EEIG2: variants seen among roughly 807,000 people sequenced by gnomAD.
The protein encoded by EEIG2 is EEIG family member 2.
the EEIG2 span, among the ~76,000 whole-genome samples, chr1:108,562,541 C>T: frequency 6.6e-6 from 1 of 152,146 alleles, no homozygotes; most frequent in Admixed American, 6.5e-5. Context: ...AAGCTAAGAG[C>T]AAGGATTTGG....
the EEIG2 span, among the ~76,000 whole-genome samples, chr1:108,606,064 G>A: frequency 6.6e-6 from 1 of 152,104 alleles, no homozygotes; most frequent in Non-Finnish European, 1.5e-5. Context: ...CATTTGGGGG[G>A]CTTGTGGGAG....
the EEIG2 span, among the ~76,000 whole-genome samples, chr1:108,603,368 T>A: frequency 6.6e-6 from 1 of 152,198 alleles, no homozygotes; most frequent in Non-Finnish European, 1.5e-5. Context: ...GGGGCCTTGA[T>A]AAACACCTCA....
chr1:108,604,300 G>A, the EEIG2 span, among the ~76,000 whole-genome samples: 2 of 152,202 alleles, frequency 1.3e-5, no homozygotes, highest in Non-Finnish European at 2.9e-5. Flanking sequence ...ATCATCTTCT[G>A]TAAGATCACT....
chr1:108,622,429 G>A, the EEIG2 span, among the ~76,000 whole-genome samples: 2 of 152,182 alleles, frequency 1.3e-5, no homozygotes, highest in African/African-American at 2.4e-5. Flanking sequence ...TGGAGATGGA[G>A]AAGAGATGAT....
chr1:108,567,904 T>C, the EEIG2 span, among the ~76,000 whole-genome samples: 1 of 151,910 alleles, frequency 6.6e-6, no homozygotes, highest in Non-Finnish European at 1.5e-5. Flanking sequence ...GAGACTGAGG[T>C]GGGAGAATCT....
chr1:108,633,652 T>G, the EEIG2 span, among the ~76,000 whole-genome samples: 3 of 152,210 alleles, frequency 2.0e-5, no homozygotes, highest in Non-Finnish European at 4.4e-5. Context: ...TCTGGCTGCT[T>G]TTAAGATTTT....
chr1:108,565,367 A>G, the EEIG2 span, among the ~76,000 whole-genome samples: 1 of 152,228 alleles, frequency 6.6e-6, no homozygotes, highest in African/African-American at 2.4e-5. Context: ...CACATCGTGT[A>G]TTTGGTCTGT....
the EEIG2 span, among the ~76,000 whole-genome samples, chr1:108,614,459 T>C: frequency 1.3e-5 from 2 of 152,128 alleles, no homozygotes; most frequent in Non-Finnish European, 2.9e-5. Flanking sequence ...ATACCTTTTT[T>C]CTCCTCGTAT....
the EEIG2 span, among the ~76,000 whole-genome samples, chr1:108,619,012 G>A: frequency 6.6e-6 from 1 of 151,956 alleles, no homozygotes; most frequent in South Asian, 2.1e-4. Context: ...TTTTCTATTG[G>A]AGTAAGATTT....
At chr1:108,589,942 C>T in the EEIG2 span, among the ~76,000 whole-genome samples, 9 of 151,846 alleles carry the variant, frequency 5.9e-5, no homozygotes, top group Non-Finnish European at 8.8e-5. Flanking sequence ...AGGTTTGAGC[C>T]ATCATGTGCA....
At chr1:108,604,152 C>T in the EEIG2 span, among the ~76,000 whole-genome samples, 3 of 152,174 alleles carry the variant, frequency 2.0e-5, no homozygotes, top group South Asian at 2.1e-4. Flanking sequence ...ATGACAAGAC[C>T]AGCCTGGCTG....
At chr1:108,570,052 A>G in the EEIG2 span, among the ~76,000 whole-genome samples, 3 of 152,198 alleles carry the variant, frequency 2.0e-5, no homozygotes, top group African/African-American at 7.2e-5. Context: ...TACTCTTTTA[A>G]TTACCTTCAT....
the EEIG2 span, among the ~76,000 whole-genome samples, chr1:108,597,173 A>G: frequency 6.6e-6 from 1 of 152,112 alleles, no homozygotes; most frequent in Non-Finnish European, 1.5e-5. Flanking sequence ...TTTTTATTGT[A>G]GGCTGATTTG....
chr1:108,594,568 C>T, the EEIG2 span, among the ~76,000 whole-genome samples: 3 of 152,214 alleles, frequency 2.0e-5, no homozygotes, highest in East Asian at 3.9e-4. Context: ...AGTACCCTCC[C>T]CATATAGTTG....
At chr1:108,632,103 G>T in the EEIG2 span, among the ~76,000 whole-genome samples, 1 of 88,422 alleles carries the variant, frequency 1.1e-5, no homozygotes, top group African/African-American at 4.8e-5. Context: ...GACAGAATGA[G>T]ACTGTCTCAA....
chr1:108,579,806 ACT>A, the EEIG2 span, among the ~76,000 whole-genome samples: 1 of 149,384 alleles, frequency 6.7e-6, no homozygotes, highest in African/African-American at 2.5e-5. Context: ...AAAGAAACCC[ACT>A]CTCTTATCAC....
chr1:108,584,212 T>G, the EEIG2 span, among the ~76,000 whole-genome samples: 1 of 152,116 alleles, frequency 6.6e-6, no homozygotes, highest in African/African-American at 2.4e-5. Flanking sequence ...TTATTTATTT[T>G]TAGGAGAAGG....
chr1:108,566,708 A>AT, the EEIG2 span, among the ~76,000 whole-genome samples: 1 of 152,116 alleles, frequency 6.6e-6, no homozygotes, highest in East Asian at 1.9e-4. Context: ...AAAAAAAAAA[A>AT]GGAAATCCTG....
At chr1:108,577,091 T>G in the EEIG2 span, among the ~76,000 whole-genome samples, 2 of 134,812 alleles carry the variant, frequency 1.5e-5, no homozygotes, top group Non-Finnish European at 3.2e-5. Flanking sequence ...TGCATAAATG[T>G]CTTCTTTTGA....
Sources: gnomAD v4.1 joint callset for allele counts (sites outside exome capture counted in the v4.1 genomes callset) on GRCh38, gnomAD v4.1.1 for gene constraint, MANE v1.5 for transcripts, NCBI Gene and HGNC (gene_info 2026-07-23, HGNC 2026-07-21) for gene names.